Variants in GRIK3 observed in about 807,000 individuals in gnomAD.
GRIK3 encodes glutamate receptor ionotropic, kainate 3.
Under a neutral mutation model 102.5 loss-of-function variants are expected in GRIK3, and 29 were observed. The ratio of observed to expected loss-of-function variants is 0.28; its 90% confidence interval spans 0.21 to 0.39. GRIK3 has a LOEUF of 0.39. Ranked by LOEUF, GRIK3 falls within the 10% of genes least tolerant of loss-of-function variation. The probability of loss-of-function intolerance (pLI) is 1.00; values close to 1 mark genes in which losing one functional copy is unlikely to be tolerated. For synonymous variants in GRIK3, 511 were observed against 504.9 expected (o/e 1.01, Z -0.16); for missense variants, 908 against 1,252.4 (o/e 0.73, Z 4.15).
At chr1:36,938,656 C>T (rs1641686542) in intron 1 of GRIK3, among the ~76,000 whole-genome samples, 1 of 152,088 alleles carries the variant, frequency 6.6e-6, no homozygotes, top group African/African-American at 2.4e-5. Context: ...TGTCACCCCC[C>T]AGCCCCACCT....
chr1:36,942,238 T>TGCTG (rs975119391), intron 1 of GRIK3, among the ~76,000 whole-genome samples: 8 of 152,324 alleles, frequency 5.3e-5, no homozygotes, highest in African/African-American at 1.7e-4. Context: ...CTGGTGATGA[T>TGCTG]GCTGGCGCTG....
intron 1 of GRIK3, among the ~76,000 whole-genome samples, chr1:36,944,165 A>G (rs567753389): frequency 1.3e-5 from 2 of 152,302 alleles, no homozygotes; most frequent in South Asian, 4.1e-4. Context: ...TATAAATCCT[A>G]TTCCCCAAAA....
At chr1:37,007,551 G>A (rs571531398) in intron 1 of GRIK3, among the ~76,000 whole-genome samples, 11 of 152,316 alleles carry the variant, frequency 7.2e-5, no homozygotes, top group Admixed American at 2.6e-4. Flanking sequence ...GGTGGCATTC[G>A]GGAGCCACCG....
At chr1:37,009,760 G>A (rs1021520336) in intron 1 of GRIK3, among the ~76,000 whole-genome samples, 2 of 152,194 alleles carry the variant, frequency 1.3e-5, no homozygotes, top group Non-Finnish European at 1.5e-5. Context: ...CATAGCTAAT[G>A]GTATGCAAAT....
Position 36,854,611 on chromosome 1 carries a change from G to A in GRIK3, c.1105-889C>T, listed in dbSNP as rs535581574. ...TTATTAGCTCACAGCCATGCCCCCCGTGTTTATATATTACTTGTGTGCTGC... is the reference window on the plus strand; with the variant it reads ...TTATTAGCTCACAGCCATGCCCCCCATGTTTATATATTACTTGTGTGCTGC... On this transcript the variant is annotated intron_variant, in intron 7 of 15. Coordinates refer to ENST00000373091, the MANE Select transcript of GRIK3 (RefSeq NM_000831.4). Among the ~76,000 whole-genome samples, 5 of 152,196 alleles carry A rather than the reference G, an allele frequency of 3.3e-5. No homozygotes were observed. The East Asian group carries it at 5.8e-4, about 18-fold the overall frequency.
intron 1 of GRIK3, among the ~76,000 whole-genome samples, chr1:37,019,039 G>A (rs1311236168): frequency 1.3e-5 from 2 of 152,028 alleles, no homozygotes; most frequent in East Asian, 1.9e-4. Context: ...CGGACGAGAT[G>A]GATTTACACT....
intron 1 of GRIK3, among the ~76,000 whole-genome samples, chr1:37,027,348 C>A (rs1316134203): frequency 6.6e-6 from 1 of 151,822 alleles, no homozygotes; most frequent in Non-Finnish European, 1.5e-5. Flanking sequence ...TTGGTCTGAT[C>A]TCTCCAAATC....
At chr1:36,813,847 A>T (rs907845273) in intron 13 of GRIK3, among the ~76,000 whole-genome samples, 1 of 152,120 alleles carries the variant, frequency 6.6e-6, no homozygotes, top group African/African-American at 2.4e-5. Flanking sequence ...TAACAGTCCC[A>T]TTGCTGCTGC....
chr1:36,846,539 G>C (rs1640521836), intron 9 of GRIK3, among the ~76,000 whole-genome samples: 1 of 152,286 alleles, frequency 6.6e-6, no homozygotes, highest in African/African-American at 2.4e-5. Flanking sequence ...GGTACCTTGG[G>C]ACCTGCCTGT....
At chr1:36,973,580 C>T (rs907001765) in intron 1 of GRIK3, among the ~76,000 whole-genome samples, 20 of 137,958 alleles carry the variant, frequency 1.4e-4, no homozygotes, top group East Asian at 2.0e-4. Flanking sequence ...CCACCACGCC[C>T]GGCTAATTTT....
At chr1:36,840,389 C>A (rs1640431953) in intron 10 of GRIK3, among the ~76,000 whole-genome samples, 1 of 151,986 alleles carries the variant, frequency 6.6e-6, no homozygotes, top group South Asian at 2.1e-4. Flanking sequence ...ATTCCCCCAA[C>A]AACCACAGGA....
At chr1:36,970,955 A>G (rs1642133968) in intron 1 of GRIK3, among the ~76,000 whole-genome samples, 3 of 152,206 alleles carry the variant, frequency 2.0e-5, no homozygotes, top group Non-Finnish European at 2.9e-5. Context: ...CTAGGTGATG[A>G]TGTGCTCACA....
chr1:36,857,653 G>A (rs1640668136), intron 7 of GRIK3, among the ~76,000 whole-genome samples: 1 of 152,222 alleles, frequency 6.6e-6, no homozygotes, highest in African/African-American at 2.4e-5. Flanking sequence ...CACATGTGTG[G>A]TGCCCTAAAG....
At chr1:37,031,382 A>G (rs989896909) in intron 1 of GRIK3, among the ~76,000 whole-genome samples, 1 of 152,246 alleles carries the variant, frequency 6.6e-6, no homozygotes, top group African/African-American at 2.4e-5. Flanking sequence ...AGACAGAGCA[A>G]TGCAATTCAT....
Position 36,806,111 on chromosome 1 carries a change from C to T in GRIK3, c.2307G>A (p.Thr769=), listed in dbSNP as rs114469448. ...LIDSKGYGIG[T]PMGSPYRDKI... ...AGGCAGCCCCTCGCTCACCCATGGG[C>T]GTGCCGATGCCGTAGCCCTTGGAGT... The change falls in exon 14 of 16, where the codon ACG becomes ACA. Residue 769 remains threonine (T), a synonymous_variant. Transcript: ENST00000373091. This position sits in a 1 kb window ranked among gnomAD's most constrained non-coding sequence, Gnocchi z 4.0. The T allele has an allele frequency of 2.0e-4, 315 of 1,612,702 alleles. 2 individuals are homozygous for T. In the East Asian group the frequency reaches 4.2e-3, roughly 21 times the overall value.
chr1:36,805,071 G>T lies in GRIK3; in HGVS notation c.2481C>A (p.Val827=), dbSNP rs1271718211. 1 of 1,614,220 alleles carries T rather than the reference G, an allele frequency of 6.2e-7. No homozygotes were observed. The highest frequency in any genetic ancestry group is 1.7e-5 in the Admixed American group (1 of 60,030). The change falls in exon 15 of 16, where the codon GTC becomes GTA. Residue 827 remains valine, a synonymous_variant. Transcript: ENST00000373091. ...GIQKIGGIFI[V]LAAGLVLSVL... is the part of the protein sequence containing the mutation. The stretch of plus-strand genomic sequence containing the variant: ...CAGAGAGGACCAGCCCGGCGGCCAG[G>T]ACAATGAAGATGCCCCCGATCTTCT...
At chr1:37,033,962 C>G (rs990066820) in intron 1 of GRIK3, 32 bp downstream of exon 1, 1 of 1,310,390 alleles carries the variant, frequency 7.6e-7, no homozygotes, top group Non-Finnish European at 1.1e-6. Context: ...CTCCCGGGCG[C>G]ACGGAGACCC....
chr1:37,018,178 C>A lies in GRIK3; in HGVS notation c.115+15816G>T, dbSNP rs939773521. 1.6e-4 allele frequency among the ~76,000 whole-genome samples: 25 copies of A among 152,284 alleles called. No individual in the cohort carries two copies. The South Asian group carries it at 2.3e-3, about 14-fold the overall frequency. On this transcript the variant is annotated intron_variant, in intron 1 of 15. Transcript: ENST00000373091. ...TCGCTTGGCTGCCACATGAATAAACCCTTTCTCTGCTGCAAAACTCATCGT... is the reference window on the plus strand; with the variant it reads ...TCGCTTGGCTGCCACATGAATAAACACTTTCTCTGCTGCAAAACTCATCGT...
Position 36,890,520 on chromosome 1 carries a change from A to AGAATACAAGGC in GRIK3, c.292+389_292+399dup, listed in dbSNP as rs375612929. On this transcript the variant is annotated intron_variant, in intron 2 of 15. Coordinates refer to ENST00000373091, the MANE Select transcript of GRIK3 (RefSeq NM_000831.4). Reference sequence around the variant, plus strand: ...CTCGATATCAGGGACTCTGACTGCCAGAATACAAGGCAAGGAGAAGCAGGT... The same window carrying AGAATACAAGGC: ...CTCGATATCAGGGACTCTGACTGCCAGAATACAAGGCGAATACAAGGCAAGGAGAAGCAGGT... 2.4e-3 allele frequency among the ~76,000 whole-genome samples: 372 copies of AGAATACAAGGC among 152,004 alleles called. 2 individuals are homozygous for AGAATACAAGGC. The highest frequency in any genetic ancestry group is 8.4e-3 in the African/African-American group (349 of 41,476).
Sources: allele counts gnomAD v4.1 joint callset (sites outside exome capture counted in the v4.1 genomes callset), GRCh38; gene constraint gnomAD v4.1.1; non-coding constraint Gnocchi (gnomAD v3.1); transcripts MANE v1.5; gene names NCBI Gene and HGNC (gene_info 2026-07-23, HGNC 2026-07-21).